The following GLCCI1 variants were observed in gnomAD, a reference collection of about 807,000 sequenced individuals.
The protein encoded by GLCCI1 is glucocorticoid-induced transcript 1 protein.
Under a neutral mutation model 52.2 loss-of-function variants are expected in GLCCI1, and 24 were observed. The ratio of observed to expected loss-of-function variants is 0.46; its 90% CI spans 0.33 to 0.65. GLCCI1 has a LOEUF of 0.65. GLCCI1 is among the 30% of genes least tolerant of loss of function. The pLI, the probability that GLCCI1 is intolerant of heterozygous loss-of-function variation, is 0.02. For missense variants in GLCCI1, 704 were observed against 701.5 expected (o/e 1.00, Z -0.04); for synonymous variants, 310 against 276.5 (o/e 1.12, Z -1.20).
At chr7:7,974,355 G>A (rs1583936622) in intron 1 of GLCCI1, among the ~76,000 whole-genome samples, 1 of 152,174 alleles carries the variant, frequency 6.6e-6, no homozygotes, top group African/African-American at 2.4e-5. Context: ...CCTAGCATGT[G>A]TAAATCATCT....
intron 3 of GLCCI1, among the ~76,000 whole-genome samples, chr7:8,053,403 A>G (rs1220017308): frequency 6.8e-6 from 1 of 147,460 alleles, no homozygotes; most frequent in African/African-American, 2.5e-5. Context: ...GGCTCACTGC[A>G]ACCTCCCCCT....
intron 1 of GLCCI1, among the ~76,000 whole-genome samples, chr7:7,997,654 A>G (rs1418494516): frequency 1.3e-5 from 2 of 152,122 alleles, no homozygotes; most frequent in African/African-American, 4.8e-5. Context: ...GAGGCTGGGC[A>G]TGGTGGCTCA....
At chr7:8,011,817 T>G (rs28838731) in intron 2 of GLCCI1, among the ~76,000 whole-genome samples, 2 of 152,062 alleles carry the variant, frequency 1.3e-5, no homozygotes, top group African/African-American at 2.4e-5. Context: ...TGTTTTTTGT[T>G]TTTTTGTTTG....
At chr7:8,033,134 A>G (rs1214857281) in intron 3 of GLCCI1, among the ~76,000 whole-genome samples, 1 of 152,070 alleles carries the variant, frequency 6.6e-6, no homozygotes, top group African/African-American at 2.4e-5. Flanking sequence ...TTATATTAAT[A>G]GAATAAAGGA....
intron 2 of GLCCI1, among the ~76,000 whole-genome samples, chr7:8,021,505 C>T (rs1441704924): frequency 2.0e-5 from 3 of 152,062 alleles, no homozygotes; most frequent in African/African-American, 7.2e-5. Context: ...CTCTGCCTCC[C>T]GGGTTCAAGT....
chr7:8,032,787 AT>A (rs1369443711), intron 3 of GLCCI1, among the ~76,000 whole-genome samples: 1 of 152,006 alleles, frequency 6.6e-6, no homozygotes, highest in East Asian at 1.9e-4. Context: ...CACAGAGACT[AT>A]CCCGGGGTCA....
At chr7:8,025,571 T>C (rs1018180072) in intron 3 of GLCCI1, among the ~76,000 whole-genome samples, 2 of 152,010 alleles carry the variant, frequency 1.3e-5, no homozygotes, top group Non-Finnish European at 2.9e-5. Context: ...AAAAGCCTCA[T>C]AGGAGAAAAG....
At chr7:8,049,040 A>G (rs1051733542) in intron 3 of GLCCI1, among the ~76,000 whole-genome samples, 1 of 152,204 alleles carries the variant, frequency 6.6e-6, no homozygotes, top group African/African-American at 2.4e-5. Context: ...TAGATTTACT[A>G]TTCTTTAAGG....
At chr7:8,077,031 G>C (rs1782889457) in intron 6 of GLCCI1, among the ~76,000 whole-genome samples, 1 of 152,154 alleles carries the variant, frequency 6.6e-6, no homozygotes, top group African/African-American at 2.4e-5. Flanking sequence ...TAAATTTAGT[G>C]ATAGGCTTTT....
At chr7:7,976,951 C>T (rs1780485468) in intron 1 of GLCCI1, among the ~76,000 whole-genome samples, 1 of 151,646 alleles carries the variant, frequency 6.6e-6, no homozygotes, top group South Asian at 2.1e-4. Flanking sequence ...AGAAATCCAC[C>T]AACCATCTAG....
At chr7:8,063,773 C>A (rs1445078446) in intron 5 of GLCCI1, among the ~76,000 whole-genome samples, 4 of 151,624 alleles carry the variant, frequency 2.6e-5, no homozygotes, top group Non-Finnish European at 5.9e-5. Flanking sequence ...CCTGTCCCAC[C>A]ACAGCCAGCT....
chr7:8,027,689 A>G lies in GLCCI1; in HGVS notation c.696+5120A>G, dbSNP rs577146300. ...CAACGAGTGGCTGAATGGATGAAAA[A>G]AAAAAAAGAGACCCAATGATCTATT... On this transcript the variant is annotated intron_variant, in intron 3 of 7. Coordinates refer to ENST00000223145, the MANE Select transcript of GLCCI1 (RefSeq NM_138426.4). Among the ~76,000 whole-genome samples the G allele has an allele frequency of 5.9e-5, 9 of 152,292 alleles. No homozygotes were observed. The East Asian group carries it at 1.7e-3, about 29-fold the overall frequency.
In GLCCI1 at chr7:8,087,603, C is replaced by A. The variant is rs1368165275; in HGVS notation, c.*1065C>A. 2 of 152,450 alleles carry A rather than the reference C, an allele frequency of 1.3e-5. No homozygotes were observed. The highest frequency in any genetic ancestry group is 2.9e-5 in the Non-Finnish European group (2 of 68,010). The allele number at this position is 152,450 out of a possible 1,614,324, so 9.4% of individuals were successfully genotyped here. A position where few individuals can be genotyped will look rare whatever the true frequency, so the allele number is the denominator to read the frequency against. Reference sequence around the variant, plus strand: ...AAAGACATATTTATATTTAGTTTCTCCCTTGGAAATTCTTTATTTTGCAGG... The same window carrying A: ...AAAGACATATTTATATTTAGTTTCTACCTTGGAAATTCTTTATTTTGCAGG... On this transcript the variant is annotated 3_prime_UTR_variant, in exon 8 of 8. Transcript: ENST00000223145.
rs118077438 is a variant in GLCCI1 at position 7,992,593 on chromosome 7, C to T, written c.458-11315C>T. On this transcript the variant is annotated intron_variant, in intron 1 of 7. Coordinates refer to ENST00000223145, the MANE Select transcript of GLCCI1 (RefSeq NM_138426.4). ...TCCCCAGATATAAGTATGTCCTTTC[C>T]GTATGTCCTTTCAAGTTATCTTTTA... 8.0e-4 allele frequency among the ~76,000 whole-genome samples: 122 copies of T among 151,966 alleles called. No homozygotes were observed. The East Asian group carries it at 9.3e-3, about 12-fold the overall frequency.
intron 2 of GLCCI1, among the ~76,000 whole-genome samples, chr7:8,008,882 G>A (rs1179672193): frequency 6.6e-6 from 1 of 151,920 alleles, no homozygotes; most frequent in Non-Finnish European, 1.5e-5. Flanking sequence ...TTGGCTTTAT[G>A]GGCCTTCACT....
chr7:7,972,513 A>G (rs1030336841), intron 1 of GLCCI1, among the ~76,000 whole-genome samples: 3 of 152,216 alleles, frequency 2.0e-5, no homozygotes, highest in African/African-American at 7.2e-5. Flanking sequence ...TGTTTCATGC[A>G]TTTCATCTGG....
At chr7:8,023,588 C>CTTTTTTTTGTTTTTTT (rs1781544560) in intron 3 of GLCCI1, among the ~76,000 whole-genome samples, 1 of 41,984 alleles carries the variant, frequency 2.4e-5, no homozygotes, top group Non-Finnish European at 4.3e-5. Context: ...CTCTGTTATT[C>CTTTTTTTTGTTTTTTT]TTTTTTTTTT....
intron 1 of GLCCI1, among the ~76,000 whole-genome samples, chr7:7,998,790 A>G (rs564002443): frequency 1.3e-5 from 2 of 152,316 alleles, no homozygotes; most frequent in South Asian, 4.1e-4. Context: ...TGCTAATTAC[A>G]GATTTCAAAG....
At chr7:8,085,110 C>T in intron 7 of GLCCI1, 93 bp downstream of exon 7, 3 of 1,407,248 alleles carry the variant, frequency 2.1e-6, no homozygotes, top group East Asian at 2.3e-5. Context: ...CTACTCTATC[C>T]AGCTGATAAT....
Sources: gnomAD v4.1 joint callset for allele counts (sites outside exome capture counted in the v4.1 genomes callset) on GRCh38, gnomAD v4.1.1 for gene constraint, MANE v1.5 for transcripts, NCBI Gene and HGNC (gene_info 2026-07-23, HGNC 2026-07-21) for gene names.